Variants in CCDC6 observed in about 807,000 individuals in gnomAD.
CCDC6 encodes the protein coiled-coil domain containing 6.
In CCDC6, 20 loss-of-function variants were observed where a neutral mutation model predicts 56.6. That is an observed-to-expected ratio of 0.35 (90% CI 0.25 to 0.51). The LOEUF (loss-of-function observed/expected upper bound fraction) is 0.51, where lower values mean the gene tolerates loss of function less well. Among genes scored for constraint, CCDC6 ranks in the 20% least tolerant of loss-of-function variants. The pLI is 0.95. For missense variants in CCDC6, 367 were observed against 601.1 expected, an observed-to-expected ratio of 0.61 and a Z score of 4.07; for synonymous variants, 241 against 234.4, an observed-to-expected ratio of 1.03 and a Z score of -0.26.
intron 3 of CCDC6, among the ~76,000 whole-genome samples, chr10:59,819,695 T>A (rs1273513239): frequency 6.6e-6 from 1 of 152,182 alleles, no homozygotes; most frequent in East Asian, 1.9e-4. Flanking sequence ...CTGGTCTCTA[T>A]CTGTAATAAT....
intron 2 of CCDC6, among the ~76,000 whole-genome samples, chr10:59,842,187 G>A (rs562693376): frequency 3.9e-5 from 6 of 151,934 alleles, no homozygotes; most frequent in South Asian, 4.2e-4. Context: ...GACTACAGGC[G>A]TGCACCATCA....
At chr10:59,824,164 G>A (rs2070768396) in intron 3 of CCDC6, among the ~76,000 whole-genome samples, 1 of 152,176 alleles carries the variant, frequency 6.6e-6, no homozygotes. Flanking sequence ...AATTGAAATT[G>A]AGTCTAGGAA....
At chr10:59,854,800 C>T (rs1021891277) in intron 1 of CCDC6, among the ~76,000 whole-genome samples, 1 of 152,222 alleles carries the variant, frequency 6.6e-6, no homozygotes, top group Non-Finnish European at 1.5e-5. Context: ...AGCCTGCCAT[C>T]TATCCAAGCT....
intron 2 of CCDC6, among the ~76,000 whole-genome samples, chr10:59,847,927 C>T (rs1223515199): frequency 6.6e-6 from 1 of 150,860 alleles, no homozygotes; most frequent in Admixed American, 6.6e-5. Flanking sequence ...GATTCCCCCA[C>T]TGGGGCCACT....
At chr10:59,841,446 G>A (rs2070937457) in intron 2 of CCDC6, among the ~76,000 whole-genome samples, 1 of 151,992 alleles carries the variant, frequency 6.6e-6, no homozygotes, top group Admixed American at 6.6e-5. Flanking sequence ...CTTATTGCTG[G>A]TACACAGAAA....
At chr10:59,904,921 G>A (rs548669699) in intron 1 of CCDC6, among the ~76,000 whole-genome samples, 1 of 152,298 alleles carries the variant, frequency 6.6e-6, no homozygotes, top group Admixed American at 6.5e-5. Context: ...CCTGGCACAA[G>A]GGGCATCCTA....
At position 59,792,504 on chromosome 10, in the gene CCDC6, G is replaced by A. The variant is rs1363485607; in HGVS notation, c.*413C>T. On this transcript the variant is annotated 3_prime_UTR_variant, in exon 9 of 9. Coordinates refer to ENST00000263102, the MANE Select transcript of CCDC6 (RefSeq NM_005436.5). Reference sequence around the variant, plus strand: ...TTGGTAAACACTATTATAATGAGAGGAGGGTAACAACAGCTCAGTAATTTT... The same window carrying A: ...TTGGTAAACACTATTATAATGAGAGAAGGGTAACAACAGCTCAGTAATTTT... 2.1e-6 allele frequency: 1 copy of A among 472,960 alleles called. No homozygotes were observed. Among genetic ancestry groups the A allele is most frequent in the Non-Finnish European group, 4.0e-6 (1 of 251,904 alleles). 29.3% of individuals were successfully genotyped at this position (472,960 alleles called of 1,614,324 possible). A position where few individuals can be genotyped will look rare whatever the true frequency, so the allele number is the denominator to read the frequency against.
In CCDC6 at chr10:59,862,585, A is replaced by G. The variant is rs1418437973; in HGVS notation, c.304-9883T>C. ...TATATACACATACACACACACACACATATATAAAACCTCTGATGGGAAAAT... is the reference window on the plus strand; with the variant it reads ...TATATACACATACACACACACACACGTATATAAAACCTCTGATGGGAAAAT... On this transcript the variant is annotated intron_variant, in intron 1 of 8. Coordinates refer to ENST00000263102, the MANE Select transcript of CCDC6 (RefSeq NM_005436.5). 3.4e-5 allele frequency among the ~76,000 whole-genome samples: 5 copies of G among 146,630 alleles called. 1 individual carries two copies. The highest frequency in any genetic ancestry group is 3.4e-4 in the Admixed American group (5 of 14,818).
chr10:59,828,951 G>A (rs1431991683), intron 3 of CCDC6, among the ~76,000 whole-genome samples: 1 of 152,120 alleles, frequency 6.6e-6, no homozygotes, highest in Non-Finnish European at 1.5e-5. Flanking sequence ...TTATAATACT[G>A]CAAAACACCA....
chr10:59,889,964 T>A (rs2071409275), intron 1 of CCDC6, among the ~76,000 whole-genome samples: 1 of 152,162 alleles, frequency 6.6e-6, no homozygotes, highest in Non-Finnish European at 1.5e-5. Flanking sequence ...CTGAATTACA[T>A]TCTTCTCTCT....
rs538089638 is a variant in CCDC6 at position 59,900,645 on chromosome 10, G to C, written c.303+5477C>G. Among the ~76,000 whole-genome samples, 10 of 152,320 alleles carry C rather than the reference G, an allele frequency of 6.6e-5. No homozygotes were observed. In the East Asian group the frequency reaches 1.9e-3, roughly 29 times the overall value. ...GCAATGGCTACCTTCAATTTTTGCT[G>C]TAGACCAGCCTCTCTGGTCCTGAAC... On this transcript the variant is annotated intron_variant, in intron 1 of 8. Coordinates refer to ENST00000263102, the MANE Select transcript of CCDC6 (RefSeq NM_005436.5).
At chr10:59,898,811 C>T (rs769504251) in intron 1 of CCDC6, among the ~76,000 whole-genome samples, 2 of 151,958 alleles carry the variant, frequency 1.3e-5, no homozygotes, top group East Asian at 1.9e-4. Context: ...GAAACAAAGG[C>T]GGGGGCAGAG....
At position 59,791,369 on chromosome 10, in the gene CCDC6, T is replaced by C. The variant is rs2070466034; in HGVS notation, c.*1548A>G. On this transcript the variant is annotated 3_prime_UTR_variant, in exon 9 of 9. Transcript: ENST00000263102. ...CTATTATCCAACAAGACTTTTTTTT[T>C]TCATTCTGTTAACTCTTAAATATGC... 1 of 197,976 alleles carries C rather than the reference T, an allele frequency of 5.1e-6. No individual in the cohort carries two copies. The highest frequency in any genetic ancestry group is 2.3e-5 in the African/African-American group (1 of 43,428). The allele number at this position is 197,976 out of a possible 1,614,324, so 12.3% of individuals were successfully genotyped here.
chr10:59,864,507 C>A (rs1369811907), intron 1 of CCDC6, among the ~76,000 whole-genome samples: 2 of 152,106 alleles, frequency 1.3e-5, no homozygotes, highest in South Asian at 2.1e-4. Flanking sequence ...CTTTCTTAAC[C>A]CTGATGATTG....
At chr10:59,826,941 T>TA (rs1440596066) in intron 3 of CCDC6, among the ~76,000 whole-genome samples, 2 of 152,226 alleles carry the variant, frequency 1.3e-5, no homozygotes, top group Non-Finnish European at 2.9e-5. Context: ...GATACAGTGT[T>TA]AAGGTCAACC....
intron 1 of CCDC6, among the ~76,000 whole-genome samples, chr10:59,881,659 T>C (rs2071336113): frequency 6.6e-6 from 1 of 152,172 alleles, no homozygotes; most frequent in Non-Finnish European, 1.5e-5. Flanking sequence ...AAAGTTGAAA[T>C]TACACACATG....
chr10:59,906,392 G>C lies in CCDC6; in HGVS notation c.33C>G (p.Asp11Glu). 6.3e-7 allele frequency: 1 copy of C among 1,583,166 alleles called. No homozygotes were observed. The highest frequency in any genetic ancestry group is 1.1e-5 in the South Asian group (1 of 89,232). ...AGCTGCTGCTGTTGCCCCCCGCCCC[G>C]TCCGTGTCGCTCTCGCTGGCGCTGT... MADSASESDT[D>E]GAGGNSSSSA... The change falls in exon 1 of 9, where the codon GAC (aspartate) becomes GAG (glutamate). Residue 11 changes from aspartate (D) to glutamate (E), a missense_variant. Physicochemically the swap from Asp to Glu is conservative, Grantham distance 45 (BLOSUM62 2). This residue lies in a region of CCDC6 where 79 missense variants were observed against 74.9 expected (regional missense o/e 1.05). Coordinates refer to ENST00000263102, the MANE Select transcript of CCDC6 (RefSeq NM_005436.5).
chr10:59,793,393 C>T (rs1311629405), intron 8 of CCDC6, among the ~76,000 whole-genome samples: 6 of 152,174 alleles, frequency 3.9e-5, no homozygotes, highest in Non-Finnish European at 7.3e-5. Flanking sequence ...TAAAATATCC[C>T]CTTAAATCTT....
At chr10:59,854,489 C>A (rs2071064227) in intron 1 of CCDC6, among the ~76,000 whole-genome samples, 1 of 152,306 alleles carries the variant, frequency 6.6e-6, no homozygotes, top group South Asian at 2.1e-4. Context: ...TCCAAGAGAG[C>A]TAAGCAACAA....
Sources: gnomAD v4.1 joint callset for allele counts (sites outside exome capture counted in the v4.1 genomes callset) on GRCh38, gnomAD v4.1.1 for gene constraint, gnomAD v4.1.1 regional missense constraint, MANE v1.5 for transcripts, NCBI Gene and HGNC (gene_info 2026-07-23, HGNC 2026-07-21) for gene names.